Variants in MOB1B observed in about 807,000 individuals in gnomAD.
MOB1B encodes MOB kinase activator 1B.
MOB1B carries 19 observed loss-of-function variants against 24.4 expected under a neutral mutation model. The observed-to-expected ratio is 0.78, with a 90% CI of 0.54 to 1.14. MOB1B has a LOEUF of 1.14. Ranked by LOEUF, MOB1B falls within the 50% of genes most tolerant of loss-of-function variation. The pLI, the probability that MOB1B is intolerant of heterozygous loss-of-function variation, is 0.00. For missense variants in MOB1B, 243 were observed against 259.6 expected (o/e 0.94, Z 0.44); for synonymous variants, 76 against 82.1 (o/e 0.93, Z 0.40).
chr4:70,911,377 A>T (rs1219171335), intron 1 of MOB1B, among the ~76,000 whole-genome samples: 1 of 151,508 alleles, frequency 6.6e-6, no homozygotes, highest in African/African-American at 2.4e-5. Context: ...ATATAACATT[A>T]AAAAGGATAA....
At chr4:70,913,300 G>GTATGTATC (rs1170846773) in intron 1 of MOB1B, among the ~76,000 whole-genome samples, 2 of 147,316 alleles carry the variant, frequency 1.4e-5, no homozygotes, top group African/African-American at 5.2e-5. Flanking sequence ...ATGTATGTAT[G>GTATGTATC]TATCTATGTA....
At chr4:70,949,486 A>G (rs72854116) in intron 1 of MOB1B, among the ~76,000 whole-genome samples, 1 of 152,152 alleles carries the variant, frequency 6.6e-6, no homozygotes, top group Non-Finnish European at 1.5e-5. Context: ...GAAAGCGTGG[A>G]TGAAAGCCAA....
chr4:70,928,735 T>C (rs1022732868), intron 1 of MOB1B, among the ~76,000 whole-genome samples: 1 of 152,140 alleles, frequency 6.6e-6, no homozygotes, highest in African/African-American at 2.4e-5. Context: ...AATACCTATT[T>C]ATTGGATTTT....
chr4:70,964,261 A>G (rs1268537046), intron 2 of MOB1B, among the ~76,000 whole-genome samples: 1 of 152,242 alleles, frequency 6.6e-6, no homozygotes, highest in African/African-American at 2.4e-5. Context: ...GAGCAACATG[A>G]TTAACAGACT....
intron 1 of MOB1B, among the ~76,000 whole-genome samples, chr4:70,924,494 A>T (rs1035986030): frequency 1.2e-4 from 18 of 151,634 alleles, no homozygotes; most frequent in Non-Finnish European, 1.9e-4. Context: ...TTTTTTTTTT[A>T]AATTATACTT....
At chr4:70,922,444 C>A (rs941226000) in intron 1 of MOB1B, among the ~76,000 whole-genome samples, 8 of 151,892 alleles carry the variant, frequency 5.3e-5, no homozygotes, top group Non-Finnish European at 1.5e-5. Flanking sequence ...CAGGACAATT[C>A]GAGGTGGGGA....
At chr4:70,931,926 T>TA (rs1401446792) in intron 1 of MOB1B, among the ~76,000 whole-genome samples, 1 of 151,974 alleles carries the variant, frequency 6.6e-6, no homozygotes, top group Non-Finnish European at 1.5e-5. Flanking sequence ...GACGTGGTCT[T>TA]ACTGTGTGGC....
chr4:70,958,552 C>A, intron 1 of MOB1B: 3 of 353,290 alleles, frequency 8.5e-6, no homozygotes, highest in Non-Finnish European at 1.6e-5. Context: ...AAGAAGGAAA[C>A]AAATTTATTT....
chr4:70,934,561 C>G (rs1249116318), intron 1 of MOB1B, among the ~76,000 whole-genome samples: 1 of 151,922 alleles, frequency 6.6e-6, no homozygotes, highest in Non-Finnish European at 1.5e-5. Flanking sequence ...TCAAGTGATT[C>G]TTCTGCCTCA....
intron 1 of MOB1B, 139 bp downstream of exon 1, chr4:70,902,689 G>A: frequency 1.2e-6 from 1 of 818,690 alleles, no homozygotes; most frequent in Non-Finnish European, 1.7e-6. Flanking sequence ...CACCAAGCGG[G>A]GCCCCGGGAC....
intron 1 of MOB1B, among the ~76,000 whole-genome samples, chr4:70,957,195 C>T (rs1324785058): frequency 4.1e-5 from 6 of 146,258 alleles, no homozygotes; most frequent in African/African-American, 1.5e-4. Flanking sequence ...TAAAGTTTTC[C>T]CACTTCTCGA....
chr4:70,950,930 A>G (rs1289357719), intron 1 of MOB1B: 9 of 654,460 alleles, frequency 1.4e-5, no homozygotes, highest in Middle Eastern at 2.5e-4. Context: ...GAGACTCAGT[A>G]ACAGTAACTT....
intron 1 of MOB1B, among the ~76,000 whole-genome samples, chr4:70,926,335 G>A (rs958530988): frequency 2.0e-5 from 3 of 151,528 alleles, no homozygotes; most frequent in African/African-American, 7.3e-5. Flanking sequence ...GAGGAAATCC[G>A]AGATTCAGAG....
At chr4:70,946,486 G>A (rs1486015660) in intron 1 of MOB1B, among the ~76,000 whole-genome samples, 3 of 152,174 alleles carry the variant, frequency 2.0e-5, no homozygotes, top group Non-Finnish European at 4.4e-5. Context: ...AAACAAATAA[G>A]CAGGAGGAGG....
At chr4:70,978,562 T>C (rs1739089660) in intron 4 of MOB1B, among the ~76,000 whole-genome samples, 1 of 152,224 alleles carries the variant, frequency 6.6e-6, no homozygotes, top group Admixed American at 6.5e-5. Context: ...AAGAGTTCCC[T>C]CTTCTCCACA....
intron 1 of MOB1B, among the ~76,000 whole-genome samples, chr4:70,938,946 A>G (rs1419710413): frequency 1.3e-5 from 2 of 151,984 alleles, no homozygotes; most frequent in African/African-American, 2.4e-5. Flanking sequence ...TCGACCTCCC[A>G]AAGTGCTGGG....
chr4:70,909,067 A>T (rs1402000803), intron 1 of MOB1B, among the ~76,000 whole-genome samples: 1 of 151,496 alleles, frequency 6.6e-6, no homozygotes, highest in Non-Finnish European at 1.5e-5. Context: ...AAAAAAAAAA[A>T]TTAGCAATTT....
In MOB1B at chr4:70,953,693, CA is replaced by C. The variant is rs1216845330; in HGVS notation, c.15-5180del. 1.4e-4 allele frequency among the ~76,000 whole-genome samples: 22 copies of C among 152,332 alleles called. 1 individual carries two copies. The highest frequency in any genetic ancestry group is 1.4e-3 in the Admixed American group (22 of 15,304). ...CATGATGGCTCATGCCTGTCATTCC[CA>C]GCACTTTGGGAGGCTAAAGCGGGCG... On this transcript the variant is annotated intron_variant, in intron 1 of 5. Transcript: ENST00000309395.
intron 1 of MOB1B, among the ~76,000 whole-genome samples, chr4:70,933,924 C>T (rs893849550): frequency 4.6e-5 from 7 of 151,846 alleles, no homozygotes; most frequent in Middle Eastern, 3.4e-3. Flanking sequence ...CAGTGGCTCA[C>T]GCCTGTAATC....
Sources: gnomAD v4.1 joint callset for allele counts (sites outside exome capture counted in the v4.1 genomes callset) on GRCh38, gnomAD v4.1.1 for gene constraint, MANE v1.5 for transcripts, NCBI Gene and HGNC (gene_info 2026-07-23, HGNC 2026-07-21) for gene names.